Variants in ZNF540 observed in about 807,000 individuals in gnomAD.
ZNF540 encodes the protein zinc finger protein 540.
ZNF540 carries 3 observed loss-of-function variants against 11.8 expected under a neutral mutation model. The ratio of observed to expected loss-of-function variants is 0.25; its 90% confidence interval spans 0.12 to 0.65. ZNF540 has a LOEUF of 0.65. Among genes scored for constraint, ZNF540 ranks in the 30% least tolerant of loss-of-function variants. The pLI is 0.83. For synonymous variants in ZNF540, 247 were observed against 259.0 expected (o/e 0.95, Z 0.45); for missense variants, 709 against 793.1 (o/e 0.89, Z 1.27).
At chr19:37,557,802 A>G (rs573419550) in intron 1 of ZNF540, among the ~76,000 whole-genome samples, 2 of 152,264 alleles carry the variant, frequency 1.3e-5, no homozygotes, top group Admixed American at 6.5e-5. Flanking sequence ...CTTTGAAGTA[A>G]AGTCTCTATG....
chr19:37,586,632 G>T, intron 1 of ZNF540: 3 of 1,613,032 alleles, frequency 1.9e-6, no homozygotes, highest in Non-Finnish European at 2.5e-6. Context: ...ACAACAAAAT[G>T]ATTGTACTTC....
rs138417212 is a variant in ZNF540 at position 37,612,964 on chromosome 19, C to T, written c.1684C>T (p.Arg562Trp). ...TAAAGAATGTGGGAAGTCCTTTAGT[C>T]GGCGTGGGCAGTTCACTGAACATCA... is the stretch of plus-strand genomic sequence containing the variant. ...DCKECGKSFS[R>W]RGQFTEHQKI... Residue 562 changes from arginine (R) to tryptophan (W), a missense_variant, in exon 5 of 5, where the codon CGG (arginine) becomes TGG (tryptophan). By Grantham distance (101) the Arg-to-Trp change is moderately radical. Coordinates refer to ENST00000316433, the MANE Select transcript of ZNF540 (RefSeq NM_001172225.3). 15 of 1,614,108 alleles carry T rather than the reference C, an allele frequency of 9.3e-6. No individual in the cohort carries two copies. The highest frequency in any genetic ancestry group is 2.2e-5 in the East Asian group (1 of 44,880).
At chr19:37,585,502 A>C (rs1168653823) in intron 1 of ZNF540, 1 of 152,190 alleles carries the variant, frequency 6.6e-6, no homozygotes, top group African/African-American at 2.4e-5. Context: ...AGCAATGACC[A>C]ACAAAGCAAT....
At chr19:37,582,579 T>C (rs1267888872) in intron 1 of ZNF540, among the ~76,000 whole-genome samples, 1 of 152,190 alleles carries the variant, frequency 6.6e-6, no homozygotes, top group Non-Finnish European at 1.5e-5. Context: ...ATCTCTTCAG[T>C]CCTGACTATC....
intron 1 of ZNF540, among the ~76,000 whole-genome samples, chr19:37,557,191 A>T (rs1054392514): frequency 2.0e-5 from 3 of 152,144 alleles, no homozygotes; most frequent in African/African-American, 7.2e-5. Context: ...TCAATTTCCC[A>T]CTTCTCTCCT....
chr19:37,565,622 TGAA>T, intron 1 of ZNF540: 2 of 1,613,516 alleles, frequency 1.2e-6, no homozygotes, highest in Non-Finnish European at 1.7e-6. Context: ...AATTCTCTGA[TGAA>T]GAGTATATTG....
intron 1 of ZNF540, among the ~76,000 whole-genome samples, chr19:37,570,684 C>T (rs1322507700): frequency 6.6e-6 from 1 of 152,152 alleles, no homozygotes; most frequent in Non-Finnish European, 1.5e-5. Context: ...CTCTTTACCC[C>T]TACTCATAGA....
In ZNF540 at chr19:37,612,174, T is replaced by C; in HGVS notation, c.894T>C (p.Ser298=). The C allele has an allele frequency of 1.9e-6, 3 of 1,611,616 alleles. No individual in the cohort carries two copies. Among genetic ancestry groups the C allele is most frequent in the Non-Finnish European group, 2.5e-6 (3 of 1,179,608 alleles). The part of the protein sequence containing the change: ...QHKRIHTGKK[S]YECKECGKVF... ...AAAGAATTCATACTGGTAAGAAATC[T>C]TATGAATGTAAAGAATGTGGAAAAG... Residue 298 remains serine, a synonymous_variant, in exon 5 of 5, where the codon TCT becomes TCC. Transcript: ENST00000316433.
intron 1 of ZNF540, among the ~76,000 whole-genome samples, chr19:37,574,680 T>G (rs957969231): frequency 1.3e-5 from 2 of 152,184 alleles, no homozygotes; most frequent in African/African-American, 4.8e-5. Context: ...ATAGCACCAG[T>G]TTTAGTAGAT....
rs1330680611 is a variant in ZNF540 at position 37,612,275 on chromosome 19, G to A, written c.995G>A (p.Cys332Tyr). 6.2e-7 allele frequency: 1 copy of A among 1,614,030 alleles called. No individual in the cohort carries two copies. The highest frequency in any genetic ancestry group is 8.5e-7 in the Non-Finnish European group (1 of 1,180,018). Reference sequence around the variant, plus strand: ...AAGAAACCCTATGAATGTAAGGAGTGTGGGAAAGCTTTTAGTGTATGCGGA... The same window carrying A: ...AAGAAACCCTATGAATGTAAGGAGTATGGGAAAGCTTTTAGTGTATGCGGA... Reference protein sequence around the residue: ...TGKKPYECKECGKAFSVCGQL... With the variant: ...TGKKPYECKEYGKAFSVCGQL... Residue 332 changes from cysteine (C) to tyrosine (Y), a missense_variant, in exon 5 of 5, where the codon TGT becomes TAT. Cys to Tyr is a radical substitution (Grantham distance 194). Transcript: ENST00000316433.
intron 1 of ZNF540, among the ~76,000 whole-genome samples, chr19:37,578,820 G>GC (rs946781520): frequency 1.1e-4 from 16 of 152,156 alleles, no homozygotes; most frequent in African/African-American, 3.9e-4. Flanking sequence ...TGCAGCAACC[G>GC]CACCTCCGCC....
At chr19:37,563,438 A>C (rs2042741796) in intron 1 of ZNF540, 2 of 152,182 alleles carry the variant, frequency 1.3e-5, no homozygotes, top group Admixed American at 6.5e-5. Flanking sequence ...GGTTAGATTC[A>C]AATGAGGAAA....
intron 4 of ZNF540, 49 bp downstream of exon 4, chr19:37,601,154 G>A (rs371666707): frequency 6.1e-6 from 9 of 1,486,826 alleles, no homozygotes; most frequent in Admixed American, 4.0e-5. Flanking sequence ...TGCCAGTCAC[G>A]GCCAGCTGGT....
chr19:37,564,954 G>A (rs1239412209), intron 1 of ZNF540: 6 of 1,613,836 alleles, frequency 3.7e-6, no homozygotes, highest in Middle Eastern at 1.7e-4. Context: ...ATTCTTTGAT[G>A]ATATGTAAGT....
In ZNF540 at chr19:37,564,640, T is replaced by C. The variant is rs1300580821; in HGVS notation, c.-73+12975T>C. The C allele has an allele frequency of 3.2e-6, 5 of 1,582,106 alleles. No homozygotes were observed. In the South Asian group the frequency reaches 4.7e-5, roughly 15 times the overall value. On this transcript the variant is annotated intron_variant, in intron 1 of 4. Transcript: ENST00000592533. ...TATGTTGAGTAAGTTGTGAAGGACA[T>C]CTAAAGTCTTTACCACACTGGACAC...
chr19:37,583,841 G>T, intron 1 of ZNF540: 1 of 875,648 alleles, frequency 1.1e-6, no homozygotes. Flanking sequence ...AAAGGTACAC[G>T]GTGGAGCTGT....
intron 1 of ZNF540, chr19:37,566,119 C>T (rs1251891198): frequency 1.2e-6 from 2 of 1,614,032 alleles, no homozygotes; most frequent in African/African-American, 2.7e-5. Context: ...AAAGCCCTTC[C>T]TGACTTGCTT....
At chr19:37,589,114 C>T (rs911406986) in intron 1 of ZNF540, among the ~76,000 whole-genome samples, 1 of 147,342 alleles carries the variant, frequency 6.8e-6, no homozygotes, top group Non-Finnish European at 1.5e-5. Flanking sequence ...GCAGGAGAAT[C>T]GTTTGAACCC....
intron 1 of ZNF540, among the ~76,000 whole-genome samples, chr19:37,558,057 G>T (rs1252526985): frequency 6.6e-6 from 1 of 152,160 alleles, no homozygotes; most frequent in Non-Finnish European, 1.5e-5. Context: ...AGATATTAGG[G>T]AGGGCTAAAG....
Sources: allele counts gnomAD v4.1 joint callset (sites outside exome capture counted in the v4.1 genomes callset), GRCh38; gene constraint gnomAD v4.1.1; transcripts MANE v1.5; gene names NCBI Gene and HGNC (gene_info 2026-07-23, HGNC 2026-07-21).